RUNX1T1: variants seen among roughly 807,000 people sequenced by gnomAD.
The protein encoded by RUNX1T1 is RUNX1 partner transcriptional co-repressor 1, also known as protein CBFA2T1.
RUNX1T1 carries 4 observed loss-of-function variants against 62.8 expected under a neutral mutation model. The observed-to-expected ratio is 0.06, with a 90% CI of 0.03 to 0.15. The LOEUF is 0.15. Among genes scored for constraint, RUNX1T1 ranks in the 10% least tolerant of loss-of-function variants. RUNX1T1 has a pLI of 1.00. For missense variants in RUNX1T1, 508 were observed against 754.3 expected (o/e 0.67, Z 3.82); for synonymous variants, 291 against 286.0 (o/e 1.02, Z -0.18).
At chr8:92,074,594 G>GTTA (rs777146648) in intron 2 of RUNX1T1, among the ~76,000 whole-genome samples, 2 of 152,104 alleles carry the variant, frequency 1.3e-5, no homozygotes, top group Non-Finnish European at 2.9e-5. Context: ...AAGCGGGATG[G>GTTA]TTATTATTAT....
intron 8 of RUNX1T1, chr8:91,979,815 G>A (rs1563656290): frequency 1.9e-6 from 1 of 530,608 alleles, no homozygotes. Flanking sequence ...TACTGCAAGG[G>A]CCGCCATCAA....
At position 91,990,675 on chromosome 8, in the gene RUNX1T1, G is replaced by A. The variant is rs528457293; in HGVS notation, c.910+964C>T. ...TTTTTTTTTTCTGAGACAGGGTCTT[G>A]CTCTGCCACCCAGGCTGAGGTGCAG... is the stretch of plus-strand genomic sequence containing the variant. On this transcript the variant is annotated intron_variant, in intron 6 of 10. Coordinates refer to ENST00000396218, the Ensembl canonical transcript of RUNX1T1. Among the ~76,000 whole-genome samples the A allele has an allele frequency of 8.2e-5, 12 of 147,022 alleles. No homozygotes were observed. The East Asian group carries it at 1.6e-3, about 19-fold the overall frequency.
intron 2 of RUNX1T1, 132 bp from the exon 4 acceptor site, chr8:92,014,952 T>C: frequency 1.1e-6 from 1 of 886,028 alleles, no homozygotes; most frequent in Non-Finnish European, 1.7e-6. Context: ...TTTTTAAAAA[T>C]GCTTGGACTT....
chr8:91,993,782 A>G (rs1186477891), intron 5 of RUNX1T1, among the ~76,000 whole-genome samples: 1 of 152,106 alleles, frequency 6.6e-6, no homozygotes, highest in East Asian at 1.9e-4. Context: ...ACCTGAGGTC[A>G]GGAATTCGAG....
intron 1 of RUNX1T1, among the ~76,000 whole-genome samples, chr8:92,041,237 GCA>G (rs1226383542): frequency 4.1e-4 from 36 of 86,902 alleles, no homozygotes; most frequent in African/African-American, 2.0e-3. Context: ...CAAGGGGCAT[GCA>G]TGATTTCACG....
At chr8:92,017,655 A>G in intron 1 of RUNX1T1, 2 of 1,272,322 alleles carry the variant, frequency 1.6e-6, no homozygotes, top group Non-Finnish European at 2.0e-6. Flanking sequence ...GCACAACTGC[A>G]CTGGAAGCTG....
At chr8:92,048,090 A>T (rs1228976176) in intron 1 of RUNX1T1, among the ~76,000 whole-genome samples, 1 of 152,212 alleles carries the variant, frequency 6.6e-6, no homozygotes, top group Non-Finnish European at 1.5e-5. Context: ...ATGTTGTCAA[A>T]CGTTTAGCTC....
chr8:92,040,077 C>G lies in RUNX1T1; in HGVS notation c.7+22469G>C, dbSNP rs1828163153. ...TAAGACTTGACATTTCCCTCTGTTACTTTCTCACAGCATATGCTCCAGCCC... is the reference window on the plus strand; with the variant it reads ...TAAGACTTGACATTTCCCTCTGTTAGTTTCTCACAGCATATGCTCCAGCCC... On this transcript the variant is annotated intron_variant, in intron 1 of 10. Coordinates refer to ENST00000396218, the Ensembl canonical transcript of RUNX1T1. Among the ~76,000 whole-genome samples, 2 of 152,170 alleles carry G rather than the reference C, an allele frequency of 1.3e-5. 1 individual carries two copies. The highest frequency in any genetic ancestry group is 4.1e-4 in the South Asian group (2 of 4,838).
At chr8:92,045,946 T>C (rs896433050) in intron 1 of RUNX1T1, among the ~76,000 whole-genome samples, 9 of 152,204 alleles carry the variant, frequency 5.9e-5, no homozygotes, top group Non-Finnish European at 1.3e-4. Context: ...TCAGGTACTT[T>C]TAGACGGTGC....
At chr8:91,974,242 C>A (rs1392796743) in intron 9 of RUNX1T1, among the ~76,000 whole-genome samples, 3 of 152,070 alleles carry the variant, frequency 2.0e-5, no homozygotes, top group Non-Finnish European at 4.4e-5. Flanking sequence ...TTTGAATCTG[C>A]GTCCAATTGC....
intron 1 of RUNX1T1, among the ~76,000 whole-genome samples, chr8:92,049,879 G>C (rs1311815259): frequency 1.3e-5 from 2 of 152,008 alleles, no homozygotes; most frequent in African/African-American, 4.8e-5. Flanking sequence ...GCATAATTTA[G>C]GCAAAAACTA....
intron 5 of RUNX1T1, among the ~76,000 whole-genome samples, chr8:92,000,359 C>T (rs979445311): frequency 1.3e-5 from 2 of 151,870 alleles, no homozygotes; most frequent in Admixed American, 1.3e-4. Flanking sequence ...CACTGAAAGG[C>T]CTCCCAATTG....
At chr8:92,020,168 C>CCAG (rs1823807222) in intron 1 of RUNX1T1, among the ~76,000 whole-genome samples, 1 of 152,174 alleles carries the variant, frequency 6.6e-6, no homozygotes, top group African/African-American at 2.4e-5. Context: ...GGTGAAATAA[C>CCAG]CAGCCAGGCC....
chr8:92,033,728 T>G (rs182653346), intron 1 of RUNX1T1, among the ~76,000 whole-genome samples: 17 of 151,990 alleles, frequency 1.1e-4, no homozygotes, highest in Admixed American at 6.5e-4. Flanking sequence ...TCCGAGAACT[T>G]TGGGAGGCTG....
intron 1 of RUNX1T1, among the ~76,000 whole-genome samples, chr8:92,026,646 C>T (rs1563788530): frequency 6.6e-6 from 1 of 151,152 alleles, no homozygotes. Context: ...ACAGTGAAAC[C>T]CCGTCTCTAC....
At chr8:92,010,095 T>A (rs1821638712) in intron 4 of RUNX1T1, 1 of 152,156 alleles carries the variant, frequency 6.6e-6, no homozygotes, top group Admixed American at 6.5e-5. Flanking sequence ...ATCTGATCAG[T>A]TATATTTCTG....
intron 4 of RUNX1T1, among the ~76,000 whole-genome samples, chr8:92,009,433 A>G (rs1317371415): frequency 6.6e-6 from 1 of 152,184 alleles, no homozygotes; most frequent in Non-Finnish European, 1.5e-5. Context: ...AAAATTAGAA[A>G]AAAAAGTTAT....
chr8:91,970,432 C>T (rs983566834), intron 10 of RUNX1T1, among the ~76,000 whole-genome samples: 5 of 152,154 alleles, frequency 3.3e-5, no homozygotes, highest in African/African-American at 9.7e-5. Context: ...TCACTTTGAT[C>T]GGTAACCTAC....
rs1810200036 is a variant in RUNX1T1 at position 91,960,537 on chromosome 8, A to C, written c.1459-20T>G. On this transcript the variant is annotated intron_variant, in intron 10 of 10. Transcript: ENST00000396218. Reference sequence around the variant, plus strand: ...GCAACTCTAAAGGAGAAGGCAGAAGAAAGCAAGATCCCAAGTTAATACACT... The same window carrying C: ...GCAACTCTAAAGGAGAAGGCAGAAGCAAGCAAGATCCCAAGTTAATACACT... 1 of 1,612,358 alleles carries C rather than the reference A, an allele frequency of 6.2e-7. No individual in the cohort carries two copies. The highest frequency in any genetic ancestry group is 8.5e-7 in the Non-Finnish European group (1 of 1,178,998).
Sources: allele counts gnomAD v4.1 joint callset (sites outside exome capture counted in the v4.1 genomes callset), GRCh38; gene constraint gnomAD v4.1.1; transcripts MANE v1.5; gene names NCBI Gene and HGNC (gene_info 2026-07-23, HGNC 2026-07-21).